Variants in CEP112 observed in about 807,000 individuals in gnomAD.
CEP112 encodes the protein centrosomal protein of 112 kDa.
CEP112 carries 127 observed loss-of-function variants against 153.0 expected under a neutral mutation model. The observed-to-expected ratio is 0.83, with a 90% CI of 0.72 to 0.96. The LOEUF (loss-of-function observed/expected upper bound fraction) is 0.96. Among genes scored for constraint, CEP112 ranks in the 40% least tolerant of loss-of-function variants. CEP112 has a pLI of 0.00. For synonymous variants in CEP112, 358 were observed against 374.4 expected, an observed-to-expected ratio of 0.96 and a Z score of 0.51; for missense variants, 1,089 against 1,101.2, an observed-to-expected ratio of 0.99 and a Z score of 0.16.
chr17:65,856,500 T>C (rs1215549025), intron 20 of CEP112, among the ~76,000 whole-genome samples: 1 of 152,244 alleles, frequency 6.6e-6, no homozygotes, highest in African/African-American at 2.4e-5. Flanking sequence ...TATTAATTTG[T>C]TATTGTGCGT....
chr17:65,842,055 G>T (rs1394297216), intron 21 of CEP112, among the ~76,000 whole-genome samples: 3 of 151,902 alleles, frequency 2.0e-5, no homozygotes, highest in African/African-American at 7.2e-5. Flanking sequence ...ACTGTCTTTT[G>T]CTGTATTGAT....
chr17:66,123,091 T>C (rs2069674862), intron 6 of CEP112, among the ~76,000 whole-genome samples: 1 of 152,200 alleles, frequency 6.6e-6, no homozygotes, highest in South Asian at 2.1e-4. Context: ...AGCTTTCTTG[T>C]TCCCGGCTTG....
chr17:65,740,898 C>T (rs969500498), intron 23 of CEP112, among the ~76,000 whole-genome samples: 6 of 152,132 alleles, frequency 3.9e-5, no homozygotes, highest in African/African-American at 1.4e-4. Flanking sequence ...ATCATTCATG[C>T]AGAGAGAAGA....
intron 21 of CEP112, among the ~76,000 whole-genome samples, chr17:65,794,378 G>A (rs147354610): frequency 1.1e-4 from 16 of 152,248 alleles, no homozygotes; most frequent in Non-Finnish European, 2.1e-4. Context: ...TCTGAAGACA[G>A]AATAAGCTAC....
chr17:66,061,350 G>T (rs2066913496), intron 11 of CEP112, among the ~76,000 whole-genome samples: 1 of 152,160 alleles, frequency 6.6e-6, no homozygotes, highest in South Asian at 2.1e-4. Context: ...AATTAGTACA[G>T]CCATTAGGGA....
At chr17:66,134,130 A>G (rs921954257) in intron 4 of CEP112, among the ~76,000 whole-genome samples, 4 of 152,236 alleles carry the variant, frequency 2.6e-5, no homozygotes, top group African/African-American at 9.6e-5. Context: ...AATAGATTAA[A>G]TAATCATAAA....
intron 20 of CEP112, among the ~76,000 whole-genome samples, chr17:65,900,920 G>T (rs2059823979): frequency 6.6e-6 from 1 of 152,122 alleles, no homozygotes; most frequent in East Asian, 1.9e-4. Context: ...AAAACAAGTT[G>T]AAAATAATTG....
At chr17:65,665,375 A>G (rs2046639694) in intron 24 of CEP112, among the ~76,000 whole-genome samples, 2 of 152,208 alleles carry the variant, frequency 1.3e-5, no homozygotes, top group Admixed American at 1.3e-4. Flanking sequence ...CTCAAGGCCA[A>G]CTCAAGGGTG....
chr17:65,858,375 T>C (rs1007577764), intron 20 of CEP112, among the ~76,000 whole-genome samples: 3 of 152,182 alleles, frequency 2.0e-5, no homozygotes, highest in Admixed American at 6.5e-5. Context: ...TTTTTAAAAT[T>C]TGCTTAATTA....
intron 21 of CEP112, among the ~76,000 whole-genome samples, chr17:65,761,574 A>G (rs962159140): frequency 2.0e-5 from 3 of 152,100 alleles, no homozygotes; most frequent in African/African-American, 7.2e-5. Context: ...CTTTCTCCCT[A>G]TCACATAAAT....
At chr17:65,812,307 G>T (rs1372292785) in intron 21 of CEP112, among the ~76,000 whole-genome samples, 1 of 152,064 alleles carries the variant, frequency 6.6e-6, no homozygotes, top group African/African-American at 2.4e-5. Context: ...CCGGCCTAAA[G>T]AATTTTTTAT....
intron 4 of CEP112, among the ~76,000 whole-genome samples, chr17:66,137,243 A>G (rs1338073194): frequency 2.0e-5 from 3 of 152,152 alleles, no homozygotes; most frequent in Admixed American, 6.5e-5. Flanking sequence ...ATCAAGTACA[A>G]GAAAGAATCA....
chr17:66,166,920 AAAC>A (rs2071991653), intron 4 of CEP112, among the ~76,000 whole-genome samples: 1 of 151,676 alleles, frequency 6.6e-6, no homozygotes, highest in Non-Finnish European at 1.5e-5. Context: ...AAAAAAAAAA[AAAC>A]ACACAGTTAC....
chr17:65,682,929 G>A (rs868830455), intron 24 of CEP112, among the ~76,000 whole-genome samples: 22 of 152,178 alleles, frequency 1.4e-4, no homozygotes, highest in Admixed American at 3.3e-4. Context: ...TTGTTTTGAT[G>A]TTCCCAAGAA....
intron 8 of CEP112, among the ~76,000 whole-genome samples, chr17:66,077,106 A>C (rs1229640636): frequency 2.6e-5 from 4 of 152,208 alleles, no homozygotes; most frequent in African/African-American, 9.6e-5. Context: ...AGAAGGAATC[A>C]GAAAATCAAC....
chr17:65,854,791 G>A (rs1473074074), intron 20 of CEP112, among the ~76,000 whole-genome samples: 2 of 152,144 alleles, frequency 1.3e-5, no homozygotes, highest in Non-Finnish European at 2.9e-5. Flanking sequence ...TCAATTGTCC[G>A]TGAAAACAGT....
At chr17:66,181,065 A>G (rs964399991) in intron 2 of CEP112, among the ~76,000 whole-genome samples, 8 of 152,218 alleles carry the variant, frequency 5.3e-5, no homozygotes, top group African/African-American at 1.9e-4. Flanking sequence ...TACTTTCCAC[A>G]TCCCATAGCA....
intron 4 of CEP112, among the ~76,000 whole-genome samples, chr17:66,150,490 CA>C (rs2071160210): frequency 6.6e-6 from 1 of 152,214 alleles, no homozygotes; most frequent in African/African-American, 2.4e-5. Context: ...CTCATCCTCC[CA>C]AACTGCTGGG....
At position 66,079,191 on chromosome 17, in the gene CEP112, A is replaced by G. The variant is rs7222615; in HGVS notation, c.769-9190T>C. On this transcript the variant is annotated intron_variant, in intron 8 of 26. Transcript: ENST00000535342. ...ACAGTGGCTCATGCCTATAATCCCA[A>G]CACTTTGGGAGGCTGAAATGGGTGG... is the stretch of plus-strand genomic sequence containing the variant. Among the ~76,000 whole-genome samples the G allele has an allele frequency of 4.2e-3, 634 of 152,252 alleles. 6 individuals carry two copies. The highest frequency in any genetic ancestry group is 0.015 in the African/African-American group (608 of 41,550).
Sources: allele counts gnomAD v4.1 joint callset (sites outside exome capture counted in the v4.1 genomes callset), GRCh38; gene constraint gnomAD v4.1.1; transcripts MANE v1.5; gene names NCBI Gene and HGNC (gene_info 2026-07-23, HGNC 2026-07-21).